Variants in NID1 observed in about 807,000 individuals in gnomAD.
The protein encoded by NID1 is nidogen-1.
NID1 carries 76 observed loss-of-function variants against 130.6 expected under a neutral mutation model. The ratio of observed to expected loss-of-function variants is 0.58; its 90% confidence interval spans 0.48 to 0.70. The LOEUF (loss-of-function observed/expected upper bound fraction) is 0.70, where lower values mean the gene tolerates loss of function less well. NID1 is among the 30% of genes least tolerant of loss of function. The pLI is 0.00. For synonymous variants in NID1, 665 were observed against 675.1 expected, an observed-to-expected ratio of 0.98 and a Z score of 0.23; for missense variants, 1,517 against 1,664.8, an observed-to-expected ratio of 0.91 and a Z score of 1.54.
chr1:236,038,739 ATATTACC>A lies in NID1; in HGVS notation c.1136-493_1136-487del, dbSNP rs1572612431. 5.1e-5 allele frequency among the ~76,000 whole-genome samples: 6 copies of A among 117,670 alleles called. 1 individual carries two copies. In the East Asian group the frequency reaches 1.6e-3, roughly 31 times the overall value. The allele number at this position is 117,670 out of a possible 152,430, so 77.2% of individuals were successfully genotyped here. A position where few individuals can be genotyped will look rare whatever the true frequency, so the allele number is the denominator to read the frequency against. The stretch of plus-strand genomic sequence containing the variant: ...ATGTTATATAGGTCATATATAATAT[ATATTACC>A]TATGTTATATAGGTCATATATAATA... On this transcript the variant is annotated intron_variant, in intron 4 of 19. Coordinates refer to ENST00000264187, the MANE Select transcript of NID1 (RefSeq NM_002508.3).
At chr1:236,004,717 A>G (rs181482844) in intron 12 of NID1, among the ~76,000 whole-genome samples, 2,015 of 141,822 alleles carry the variant, frequency 0.014, 27 homozygotes, top group Non-Finnish European at 0.021. Flanking sequence ...AGCCGAGATC[A>G]TGCCACTGCA....
chr1:236,007,547 A>T (rs1012643746), intron 12 of NID1, among the ~76,000 whole-genome samples: 1 of 152,206 alleles, frequency 6.6e-6, no homozygotes, highest in South Asian at 2.1e-4. Flanking sequence ...CGTTTATAAA[A>T]GACTGTGGCT....
intron 12 of NID1, among the ~76,000 whole-genome samples, chr1:235,996,916 A>G (rs1450715776): frequency 6.6e-6 from 1 of 151,278 alleles, no homozygotes; most frequent in African/African-American, 2.4e-5. Flanking sequence ...CTCACTGCAA[A>G]CTCTGCCTCC....
intron 13 of NID1, among the ~76,000 whole-genome samples, 176 bp downstream of exon 13, chr1:235,993,469 G>A (rs1232048371): frequency 1.3e-5 from 2 of 152,206 alleles, no homozygotes; most frequent in Non-Finnish European, 2.9e-5. Context: ...GAGGAAGCAC[G>A]GGGAGGAGCG....
At chr1:235,997,205 T>C (rs769382728) in intron 12 of NID1, among the ~76,000 whole-genome samples, 1 of 152,168 alleles carries the variant, frequency 6.6e-6, no homozygotes, top group Non-Finnish European at 1.5e-5. Context: ...AACTGACTTC[T>C]CCTGTTAAGA....
intron 13 of NID1, among the ~76,000 whole-genome samples, chr1:235,993,332 C>G (rs536770416): frequency 6.6e-6 from 1 of 152,226 alleles, no homozygotes; most frequent in Non-Finnish European, 1.5e-5. Context: ...GGAGCACACA[C>G]AGCCGCTCTG....
At chr1:236,040,939 A>G (rs1659434842) in intron 4 of NID1, among the ~76,000 whole-genome samples, 1 of 152,210 alleles carries the variant, frequency 6.6e-6, no homozygotes. Flanking sequence ...TGCTGGGATA[A>G]CAGGCATGAG....
Position 235,976,109 on chromosome 1 carries a change from G to A in NID1, c.*1758C>T, listed in dbSNP as rs1014998206. On this transcript the variant is annotated 3_prime_UTR_variant, in exon 20 of 20. Transcript: ENST00000264187. ...AGACTAATTTATGGATTTGGGCTAC[G>A]TAAAAGACCTACATGGTCCTCGAAT... 10 of 152,190 alleles carry A rather than the reference G, an allele frequency of 6.6e-5. No individual in the cohort carries two copies. Among genetic ancestry groups the A allele is most frequent in the Non-Finnish European group, 1.0e-4 (7 of 68,030 alleles). The allele number at this position is 152,190 out of a possible 1,614,324, so 9.4% of individuals were successfully genotyped here. A position where few individuals can be genotyped will look rare whatever the true frequency, so the allele number is the denominator to read the frequency against.
chr1:236,019,130 G>C (rs891370740), intron 9 of NID1, among the ~76,000 whole-genome samples: 2 of 152,232 alleles, frequency 1.3e-5, no homozygotes, highest in Admixed American at 6.5e-5. Flanking sequence ...CTGCCAGAAG[G>C]TTCTGGAACA....
rs1658926766 is a variant in NID1, at chr1:236,026,238, T to A, written c.1739-97A>T. The A allele has an allele frequency of 1.3e-5, 19 of 1,477,994 alleles. No individual in the cohort carries two copies. The East Asian group carries it at 3.9e-4, about 30-fold the overall frequency. 91.6% of individuals were successfully genotyped at this position (1,477,994 alleles called of 1,614,324 possible). A position where few individuals can be genotyped will look rare whatever the true frequency, so the allele number is the denominator to read the frequency against. ...GAATCAACGGCTTTCAAGGCACCAG[T>A]GGTATTCCCTGCCCATAAGGCTACC... On this transcript the variant is annotated intron_variant, in intron 7 of 19. Transcript: ENST00000264187.
intron 7 of NID1, among the ~76,000 whole-genome samples, chr1:236,026,706 A>C (rs1266650899): frequency 6.6e-6 from 1 of 152,020 alleles, no homozygotes; most frequent in Admixed American, 6.6e-5. Flanking sequence ...AGGTTATCTC[A>C]ATTATGATTC....
chr1:236,060,343 G>A (rs1430243079), intron 1 of NID1, among the ~76,000 whole-genome samples: 1 of 152,138 alleles, frequency 6.6e-6, no homozygotes, highest in African/African-American at 2.4e-5. Context: ...CGCCGTCTTG[G>A]TTTTGATAGG....
rs1658445453 is a variant in NID1 at position 236,012,096 on chromosome 1, A to T, written c.2405-53T>A. 31 of 1,589,844 alleles carry T rather than the reference A, an allele frequency of 1.9e-5. No individual in the cohort carries two copies. In the South Asian group the frequency reaches 3.3e-4, roughly 17 times the overall value. On this transcript the variant is annotated intron_variant, in intron 11 of 19. Transcript: ENST00000264187. ...CAATGAGATTTCTTCTGGAATTCGT[A>T]GTTTACCCAATAATTTAAGCCACTT...
intron 1 of NID1, among the ~76,000 whole-genome samples, chr1:236,052,185 T>C (rs1659776837): frequency 6.6e-6 from 1 of 152,224 alleles, no homozygotes; most frequent in African/African-American, 2.4e-5. Flanking sequence ...AATAGCAAAG[T>C]TGATGAAAAA....
At position 236,064,877 on chromosome 1, in the gene NID1, C is replaced by G. The variant is rs1331402382; in HGVS notation, c.203G>C (p.Arg68Thr). The part of the protein sequence containing the change: ...ELSGALRFYD[R>T]SDIDAVYVTT... ...CACGTAGACTGCGTCGATGTCGGAT[C>G]TGTCGTAGAAGCGGAGCGCCCCACT... Residue 68 changes from arginine to threonine, a missense_variant, in exon 1 of 20, where the codon AGA (arginine) becomes ACA (threonine). Arg to Thr is a moderately conservative substitution (Grantham distance 71). Coordinates refer to ENST00000264187, the MANE Select transcript of NID1 (RefSeq NM_002508.3). 6.2e-7 allele frequency: 1 copy of G among 1,612,222 alleles called. No homozygotes were observed. The highest frequency in any genetic ancestry group is 1.1e-5 in the South Asian group (1 of 90,914).
At position 235,977,922 on chromosome 1, in the gene NID1, C is replaced by G. The variant is rs755717965; in HGVS notation, c.3689G>C (p.Arg1230Thr). 8 of 1,614,062 alleles carry G rather than the reference C, an allele frequency of 5.0e-6. No homozygotes were observed. The highest frequency in any genetic ancestry group is 1.7e-6 in the Non-Finnish European group (2 of 1,180,024). The change falls in exon 20 of 20, where the codon AGG becomes ACG. Residue 1230 changes from arginine (R) to threonine (T), a missense_variant. Transcript: ENST00000264187. ...THLCLATPGS[R>T]TCRCPDNTLG... Reference sequence around the variant, plus strand: ...GGTGTTGTCAGGGCAACGGCAGGTCCTGCTCCCTGGGGTGGCCAAGCATAG... The same window carrying G: ...GGTGTTGTCAGGGCAACGGCAGGTCGTGCTCCCTGGGGTGGCCAAGCATAG...
rs1358345643 is a variant in NID1, at chr1:236,045,521, A to G, written c.688T>C (p.Trp230Arg). The part of the protein sequence containing the change: ...AFSQGSVGFL[W>R]KSNGAYNIFA... ...ATGTTATAAGCTCCGTTGCTCTTCC[A>G]TAAGAATCCCACTGAACCTTGACTG... is the stretch of plus-strand genomic sequence containing the variant. Residue 230 changes from tryptophan to arginine, a missense_variant, in exon 3 of 20, where the codon TGG (tryptophan) becomes CGG (arginine). By Grantham distance (101) the Trp-to-Arg change is moderately radical. Transcript: ENST00000264187. 3.7e-6 allele frequency: 6 copies of G among 1,614,078 alleles called. No homozygotes were observed. The highest frequency in any genetic ancestry group is 5.1e-6 in the Non-Finnish European group (6 of 1,180,046).
chr1:236,023,974 C>A (rs1359138023), intron 9 of NID1, 96 bp downstream of exon 9: 1 of 1,505,736 alleles, frequency 6.6e-7, no homozygotes, highest in Non-Finnish European at 9.1e-7. Flanking sequence ...CTCATCCGTG[C>A]TTCCTTGCTG....
chr1:235,997,719 G>A (rs1421446185), intron 12 of NID1, among the ~76,000 whole-genome samples: 1 of 150,124 alleles, frequency 6.7e-6, no homozygotes, highest in East Asian at 2.0e-4. Context: ...CAGTTCTCCT[G>A]TCTCAGCCTC....
Sources: gnomAD v4.1 joint callset for allele counts (sites outside exome capture counted in the v4.1 genomes callset) on GRCh38, gnomAD v4.1.1 for gene constraint, MANE v1.5 for transcripts, NCBI Gene and HGNC (gene_info 2026-07-23, HGNC 2026-07-21) for gene names.